Variants in SLC6A4 observed in about 807,000 individuals in gnomAD.
The protein encoded by SLC6A4 is sodium-dependent serotonin transporter.
A neutral mutation model predicts 73.4 loss-of-function variants in SLC6A4; 22 were observed. The ratio of observed to expected loss-of-function variants is 0.30; its 90% CI spans 0.21 to 0.43. The LOEUF (loss-of-function observed/expected upper bound fraction) is 0.43. Among genes scored for constraint, SLC6A4 ranks in the 20% least tolerant of loss-of-function variants. The probability of loss-of-function intolerance (pLI) is 1.00; values close to 1 mark genes in which losing one functional copy is unlikely to be tolerated. For missense variants in SLC6A4, 593 were observed against 808.5 expected, an observed-to-expected ratio of 0.73 and a Z score of 3.23; for synonymous variants, 270 against 315.5, an observed-to-expected ratio of 0.86 and a Z score of 1.53.
intron 13 of SLC6A4, 83 bp downstream of exon 13, chr17:30,207,649 G>A: frequency 1.1e-6 from 1 of 920,446 alleles, no homozygotes; most frequent in Non-Finnish European, 1.8e-6. Context: ...GAGCCACCGT[G>A]CCCAGCCATT....
At chr17:30,207,644 A>G (rs1299238787) in intron 13 of SLC6A4, 88 bp downstream of exon 13, 29 of 872,776 alleles carry the variant, frequency 3.3e-5, no homozygotes, top group South Asian at 2.8e-4. Context: ...AGGATGAGCC[A>G]CCGTGCCCAG....
At chr17:30,215,557 C>G (rs1906545584) in intron 8 of SLC6A4, 54 bp downstream of exon 8, 1 of 1,419,090 alleles carries the variant, frequency 7.0e-7, no homozygotes, top group Admixed American at 1.7e-5. Flanking sequence ...TCCACACTAG[C>G]TGACTTTCAC....
intron 7 of SLC6A4, 56 bp downstream of exon 7, chr17:30,216,026 C>A: frequency 6.5e-7 from 1 of 1,530,894 alleles, no homozygotes. Context: ...TGGAGGAGGA[C>A]CAGCTTCGTT....
Position 30,221,921 on chromosome 17 carries a change from G to A in SLC6A4, c.38C>T (p.Ser13Leu), listed in dbSNP as rs774252706. Residue 13 changes from serine (S) to leucine (L), a missense_variant, in exon 3 of 15, where the codon TCA becomes TTA. By Grantham distance (145) the Ser-to-Leu change is moderately radical. Transcript: ENST00000650711. ...ACAATCTTCTCCATCTTCACACGCT[G>A]ATAGCTGCTTCTGAGAATTCAAGGG... The part of the protein sequence containing the change: ...TTPLNSQKQL[S>L]ACEDGEDCQE... The A allele has an allele frequency of 4.3e-6, 7 of 1,614,028 alleles. No individual in the cohort carries two copies. Among genetic ancestry groups the A allele is most frequent in the African/African-American group, 4.0e-5 (3 of 74,898 alleles).
At chr17:30,217,083 G>A in intron 6 of SLC6A4, 83 bp downstream of exon 6, 1 of 1,194,932 alleles carries the variant, frequency 8.4e-7, no homozygotes, top group Non-Finnish European at 1.2e-6. Flanking sequence ...AAACAGTGCT[G>A]TCTGTCCAGG....
intron 3 of SLC6A4, 152 bp downstream of exon 3, chr17:30,221,464 G>C: frequency 1.6e-6 from 1 of 609,010 alleles, no homozygotes; most frequent in East Asian, 2.8e-5. Context: ...GCCCACCCCA[G>C]GTCACAGCCC....
At chr17:30,223,073 A>G (rs1297129158) in intron 1 of SLC6A4, among the ~76,000 whole-genome samples, 158 bp from the exon 2 acceptor site, 1 of 152,224 alleles carries the variant, frequency 6.6e-6, no homozygotes, top group Non-Finnish European at 1.5e-5. Context: ...TTGAGGTCTG[A>G]GTCGTCAAAC....
intron 8 of SLC6A4, among the ~76,000 whole-genome samples, chr17:30,213,395 C>G (rs949879759): frequency 6.6e-6 from 1 of 151,518 alleles, no homozygotes. Flanking sequence ...CTCTGCCTCC[C>G]GGGTTCAGGT....
rs6355 is a variant in SLC6A4 at position 30,221,792 on chromosome 17, C to G, written c.167G>C (p.Gly56Ala). Reference sequence around the variant, plus strand: ...TGGGATAGAGTGCCGTGTGTCATCTCCCGCACCAGGACTTGGAACTGCTGA... The same window carrying G: ...TGGGATAGAGTGCCGTGTGTCATCTGCCGCACCAGGACTTGGAACTGCTGA... ...GYSAVPSPGAGDDTRHSIPAT... is the reference protein window; with the variant it reads ...GYSAVPSPGAADDTRHSIPAT... The change falls in exon 3 of 15, where the codon GGA becomes GCA. Residue 56 changes from glycine (G) to alanine (A), a missense_variant. Gly to Ala is a moderately conservative substitution (Grantham distance 60, BLOSUM62 0). Transcript: ENST00000650711. The G allele has an allele frequency of 0.017, 28,019 of 1,614,164 alleles. 310 individuals carry two copies. Among genetic ancestry groups the G allele is most frequent in the Non-Finnish European group, 0.021 (25,065 of 1,180,028 alleles).
intron 1 of SLC6A4, among the ~76,000 whole-genome samples, chr17:30,225,923 T>C (rs2143015998): frequency 6.6e-6 from 1 of 152,340 alleles, no homozygotes; most frequent in Middle Eastern, 3.4e-3. Flanking sequence ...TCCATTCCTC[T>C]TTCCACACAC....
intron 2 of SLC6A4, among the ~76,000 whole-genome samples, chr17:30,222,602 A>T (rs1220287506): frequency 6.6e-6 from 1 of 152,194 alleles, no homozygotes; most frequent in Non-Finnish European, 1.5e-5. Flanking sequence ...ATGATTTTAA[A>T]AGGAAAAAAG....
intron 13 of SLC6A4, among the ~76,000 whole-genome samples, 169 bp downstream of exon 13, chr17:30,207,563 T>C (rs1906246993): frequency 6.6e-6 from 1 of 152,000 alleles, no homozygotes; most frequent in Non-Finnish European, 1.5e-5. Context: ...AATTTTTGTA[T>C]TTTTTTAAGT....
chr17:30,203,029 C>T (rs1003746188), intron 14 of SLC6A4, 143 bp downstream of exon 14: 18 of 617,718 alleles, frequency 2.9e-5, no homozygotes, highest in Admixed American at 2.3e-4. Context: ...TAGAGGTCTT[C>T]GCCATGGCAC....
At chr17:30,222,750 C>T in intron 2 of SLC6A4, 69 bp downstream of exon 2, 1 of 1,262,226 alleles carries the variant, frequency 7.9e-7, no homozygotes, top group South Asian at 1.2e-5. Flanking sequence ...TCTATCTGCA[C>T]ATGGCCTTTC....
At chr17:30,219,921 C>T (rs1018999225) in intron 3 of SLC6A4, among the ~76,000 whole-genome samples, 4 of 152,160 alleles carry the variant, frequency 2.6e-5, no homozygotes, top group African/African-American at 9.7e-5. Flanking sequence ...ACCATGTGTT[C>T]TCGTGATGGC....
At chr17:30,210,348 C>G (rs1055953141) in intron 11 of SLC6A4, among the ~76,000 whole-genome samples, 167 bp downstream of exon 11, 1 of 152,182 alleles carries the variant, frequency 6.6e-6, no homozygotes, top group African/African-American at 2.4e-5. Flanking sequence ...GCACAAGAAA[C>G]AACTTTTCTT....
At chr17:30,217,124 G>A in intron 6 of SLC6A4, 42 bp downstream of exon 6, 1 of 1,587,404 alleles carries the variant, frequency 6.3e-7, no homozygotes, top group African/African-American at 1.4e-5. Flanking sequence ...GAGCCTGTGG[G>A]CCCCTGGGCA....
At chr17:30,228,484 C>A (rs1461539129) in intron 1 of SLC6A4, among the ~76,000 whole-genome samples, 1 of 152,202 alleles carries the variant, frequency 6.6e-6, no homozygotes, top group Non-Finnish European at 1.5e-5. Flanking sequence ...TGGCTCCCAG[C>A]ACGGGCCTCA....
At chr17:30,200,544 T>G (rs1259155641) in intron 14 of SLC6A4, among the ~76,000 whole-genome samples, 1 of 152,144 alleles carries the variant, frequency 6.6e-6, no homozygotes, top group Non-Finnish European at 1.5e-5. Context: ...GGTGGCTCAC[T>G]CCACAAACTC....
Sources: allele counts gnomAD v4.1 joint callset (sites outside exome capture counted in the v4.1 genomes callset), GRCh38; gene constraint gnomAD v4.1.1; transcripts MANE v1.5; gene names NCBI Gene and HGNC (gene_info 2026-07-23, HGNC 2026-07-21).